Variants in PTPRN2 observed in about 807,000 individuals in gnomAD.
PTPRN2 encodes the protein receptor-type tyrosine-protein phosphatase N2.
PTPRN2 carries 74 observed loss-of-function variants against 118.8 expected under a neutral mutation model. That is an observed-to-expected ratio of 0.62 (90% CI 0.52 to 0.76). PTPRN2 has a LOEUF of 0.76. Among genes scored for constraint, PTPRN2 ranks in the 30% least tolerant of loss-of-function variants. PTPRN2 has a pLI of 0.00. For synonymous variants in PTPRN2, 641 were observed against 608.0 expected (o/e 1.05, Z -0.80); for missense variants, 1,481 against 1,394.4 (o/e 1.06, Z -0.99).
intron 5 of PTPRN2, among the ~76,000 whole-genome samples, chr7:158,186,681 C>A (rs2150679144): frequency 6.6e-6 from 1 of 151,588 alleles, no homozygotes; most frequent in Non-Finnish European, 1.5e-5. Context: ...GGCCTACCTG[C>A]CCCCTCTGTC....
chr7:158,477,846 C>T (rs1820375275), intron 2 of PTPRN2, among the ~76,000 whole-genome samples: 1 of 152,236 alleles, frequency 6.6e-6, no homozygotes, highest in African/African-American at 2.4e-5. Flanking sequence ...AAAGCTCAGC[C>T]AAGCCACGGC....
intron 3 of PTPRN2, among the ~76,000 whole-genome samples, chr7:158,296,175 T>C (rs114183141): frequency 0.014 from 2,088 of 152,132 alleles, 45 homozygotes; most frequent in African/African-American, 0.048. Context: ...CCTGTGCCTA[T>C]AAAAACCCTG....
At chr7:158,566,312 C>T (rs770379419) in intron 1 of PTPRN2, among the ~76,000 whole-genome samples, 2 of 151,822 alleles carry the variant, frequency 1.3e-5, no homozygotes, top group Non-Finnish European at 2.9e-5. Context: ...CAAGATCGCA[C>T]CATTGCACTC....
At chr7:158,348,683 C>T (rs994841083) in intron 2 of PTPRN2, among the ~76,000 whole-genome samples, 4 of 152,186 alleles carry the variant, frequency 2.6e-5, no homozygotes, top group African/African-American at 9.7e-5. Flanking sequence ...TGGCCACAGG[C>T]CCGAATCCTA....
intron 2 of PTPRN2, among the ~76,000 whole-genome samples, chr7:158,359,798 G>C (rs1322675351): frequency 1.3e-5 from 2 of 152,164 alleles, no homozygotes; most frequent in South Asian, 2.1e-4. Flanking sequence ...GCCCAAGCGA[G>C]AGCCCAGATG....
At chr7:158,365,840 A>ACACACACG in intron 2 of PTPRN2, among the ~76,000 whole-genome samples, 1 of 136,550 alleles carries the variant, frequency 7.3e-6, no homozygotes, top group South Asian at 2.5e-4. Flanking sequence ...ATGCGTGCAC[A>ACACACACG]CACACACACC....
intron 11 of PTPRN2, among the ~76,000 whole-genome samples, chr7:157,956,311 G>A (rs4716838): frequency 0.83 from 125,791 of 152,070 alleles, 52,605 homozygotes; most frequent in East Asian, 0.9. Context: ...TGCTGTAGCC[G>A]TGATCGCTCC....
At chr7:158,441,696 C>T (rs1434088827) in intron 2 of PTPRN2, among the ~76,000 whole-genome samples, 1 of 94,624 alleles carries the variant, frequency 1.1e-5, no homozygotes, top group Admixed American at 1.3e-4. Flanking sequence ...GTGGTGATGG[C>T]AATGGTGGCA....
chr7:157,759,609 G>A (rs1361195268), intron 12 of PTPRN2, among the ~76,000 whole-genome samples: 4 of 152,206 alleles, frequency 2.6e-5, no homozygotes, highest in Admixed American at 2.6e-4. Flanking sequence ...CAGACATGTG[G>A]GGCTCACTGT....
intron 2 of PTPRN2, among the ~76,000 whole-genome samples, chr7:158,460,309 C>T (rs966300380): frequency 7.2e-6 from 1 of 138,112 alleles, no homozygotes; most frequent in African/African-American, 2.7e-5. Flanking sequence ...GTTCCTGCTA[C>T]AGGGTCTGTG....
intron 12 of PTPRN2, among the ~76,000 whole-genome samples, chr7:157,888,537 C>A (rs1796614165): frequency 6.6e-6 from 1 of 152,078 alleles, no homozygotes; most frequent in African/African-American, 2.4e-5. Flanking sequence ...CCCCACCAGC[C>A]CATCCTGCGC....
intron 12 of PTPRN2, among the ~76,000 whole-genome samples, chr7:157,741,192 C>T (rs571369727): frequency 2.6e-4 from 40 of 152,380 alleles, no homozygotes; most frequent in African/African-American, 9.1e-4. Context: ...CTGGCTCCAG[C>T]ACCTTTCCTG....
rs1008752485 is a variant in PTPRN2 at position 157,927,497 on chromosome 7, C to A, written c.1724-28760G>T. ...AACAGAGACCTCACATCTGCTGGGACCCCGAAGACAGGAAGCCCCAGGGAC... is the reference window on the plus strand; with the variant it reads ...AACAGAGACCTCACATCTGCTGGGAACCCGAAGACAGGAAGCCCCAGGGAC... On this transcript the variant is annotated intron_variant, in intron 11 of 22. Coordinates refer to ENST00000389418, the MANE Select transcript of PTPRN2 (RefSeq NM_002847.5). Among the ~76,000 whole-genome samples the A allele has an allele frequency of 3.3e-5, 4 of 120,876 alleles. 1 individual carries two copies. Among genetic ancestry groups the A allele is most frequent in the African/African-American group, 1.2e-4 (3 of 25,622 alleles). 79.3% of individuals were successfully genotyped at this position (120,876 alleles called of 152,430 possible).
intron 6 of PTPRN2, 85 bp downstream of exon 6, chr7:158,166,846 G>T: frequency 7.3e-7 from 1 of 1,374,608 alleles, no homozygotes; most frequent in East Asian, 2.7e-5. Flanking sequence ...CCCCACGTGT[G>T]GGAAGAGCAT....
intron 2 of PTPRN2, among the ~76,000 whole-genome samples, chr7:158,488,815 A>C (rs1421944787): frequency 1.3e-5 from 2 of 152,270 alleles, no homozygotes; most frequent in Non-Finnish European, 2.9e-5. Context: ...GGGAAAGAGA[A>C]GGCCTCGCTC....
At chr7:158,087,971 T>C (rs201153699) in intron 10 of PTPRN2, among the ~76,000 whole-genome samples, 8 of 79,122 alleles carry the variant, frequency 1.0e-4, no homozygotes, top group East Asian at 7.8e-4. Context: ...CTTCCCCTGA[T>C]GAAAGAGGGA....
intron 10 of PTPRN2, among the ~76,000 whole-genome samples, chr7:158,106,033 T>A (rs901635489): frequency 6.6e-6 from 1 of 151,966 alleles, no homozygotes; most frequent in African/African-American, 2.4e-5. Context: ...TTCTGTTTTA[T>A]TCCCAGCTCC....
chr7:158,267,526 C>T (rs952148520), intron 3 of PTPRN2, among the ~76,000 whole-genome samples: 6 of 152,152 alleles, frequency 3.9e-5, no homozygotes, highest in African/African-American at 1.2e-4. Context: ...GTGGGCTCCA[C>T]ACCCCACCTT....
At chr7:157,606,460 C>T (rs1585098396) in intron 15 of PTPRN2, among the ~76,000 whole-genome samples, 2 of 152,244 alleles carry the variant, frequency 1.3e-5, no homozygotes, top group South Asian at 4.1e-4. Context: ...TCACTGCCAT[C>T]CCTGGCTGAA....
Sources: gnomAD v4.1 joint callset for allele counts (sites outside exome capture counted in the v4.1 genomes callset) on GRCh38, gnomAD v4.1.1 for gene constraint, MANE v1.5 for transcripts, NCBI Gene and HGNC (gene_info 2026-07-23, HGNC 2026-07-21) for gene names.